LPIN2: variants seen among roughly 807,000 people sequenced by gnomAD.
The protein encoded by LPIN2 is phosphatidate phosphatase LPIN2.
Under a neutral mutation model 111.4 loss-of-function variants are expected in LPIN2, and 55 were observed. The ratio of observed to expected loss-of-function variants is 0.49; its 90% CI spans 0.40 to 0.62. LPIN2 has a LOEUF of 0.62. LPIN2 is among the 20% of genes least tolerant of loss of function. The probability of loss-of-function intolerance (pLI) is 0.00; values close to 1 mark genes in which losing one functional copy is unlikely to be tolerated. For missense variants in LPIN2, 992 were observed against 1,112.1 expected, an observed-to-expected ratio of 0.89 and a Z score of 1.54; for synonymous variants, 425 against 414.0, an observed-to-expected ratio of 1.03 and a Z score of -0.32.
At position 2,951,073 on chromosome 18, in the gene LPIN2, T is replaced by C. The variant is rs778040063; in HGVS notation, c.572A>G (p.Lys191Arg). 8 of 1,614,146 alleles carry C rather than the reference T, an allele frequency of 5.0e-6. No homozygotes were observed. The highest frequency in any genetic ancestry group is 1.1e-5 in the South Asian group (1 of 91,080). ...CDVGVSSDDD[K>R]GAQAARGSSN... ...GTCCTACCGTGCTGCCTGGGCCCCC[T>C]TGTCATCATCGGAGCTCACGCCTAC... is the stretch of plus-strand genomic sequence containing the variant. The change falls in exon 4 of 20, where the codon AAG (lysine) becomes AGG (arginine). Residue 191 changes from lysine (K) to arginine (R), a missense_variant. Lys to Arg is a conservative substitution (Grantham distance 26, BLOSUM62 2). Around this residue, in one of 4 missense-constraint regions of LPIN2, gnomAD observed 709 missense variants for 753.2 expected, o/e 0.94. Transcript: ENST00000677752.
intron 4 of LPIN2, among the ~76,000 whole-genome samples, chr18:2,943,877 G>C (rs932512652): frequency 1.3e-4 from 20 of 152,060 alleles, no homozygotes; most frequent in African/African-American, 4.8e-4. Flanking sequence ...CTACAACTAA[G>C]TTATTTGCTA....
rs1288225001 is a variant in LPIN2 at position 2,925,315 on chromosome 18, G to C, written c.1847C>G (p.Ser616Cys). The change falls in exon 14 of 20, where the codon TCC (serine) becomes TGC (cysteine). Residue 616 changes from serine (S) to cysteine (C), a missense_variant. By Grantham distance (112) the Ser-to-Cys change is moderately radical (BLOSUM62 -1). This residue lies in a region of LPIN2 where 709 missense variants were observed against 753.2 expected (regional missense o/e 0.94). Transcript: ENST00000677752. The surrounding 1 kb of genome is among the most constrained non-coding windows in gnomAD (Gnocchi z 4.1). ...SDEGSQELEE[S>C]ITVDPIPTEP... ...TGTGGGGATGGGGTCCACTGTGATG[G>C]ATTCTTCGAGCTCCTGTGATCCCTC... 6.2e-7 allele frequency: 1 copy of C among 1,614,132 alleles called. No homozygotes were observed. The highest frequency in any genetic ancestry group is 8.5e-7 in the Non-Finnish European group (1 of 1,179,982).
chr18:2,976,122 C>G (rs765971962), intron 1 of LPIN2, among the ~76,000 whole-genome samples: 5 of 152,210 alleles, frequency 3.3e-5, no homozygotes, highest in African/African-American at 4.8e-5. Flanking sequence ...TATTTCCCAT[C>G]TCATCCTCTC....
At chr18:2,930,608 G>A (rs2077199921) in intron 9 of LPIN2, among the ~76,000 whole-genome samples, 1 of 152,150 alleles carries the variant, frequency 6.6e-6, no homozygotes, top group African/African-American at 2.4e-5. Context: ...GGGGCCACAG[G>A]CCAAACTGAG....
At chr18:3,006,910 G>A (rs2078525266) in intron 1 of LPIN2, among the ~76,000 whole-genome samples, 1 of 151,956 alleles carries the variant, frequency 6.6e-6, no homozygotes, top group Admixed American at 6.6e-5. Flanking sequence ...TGAGGTAGGA[G>A]GATTGCTTGG....
chr18:2,987,237 T>C (rs1288448758), intron 1 of LPIN2, among the ~76,000 whole-genome samples: 1 of 152,206 alleles, frequency 6.6e-6, no homozygotes, highest in African/African-American at 2.4e-5. Context: ...ACAAATTACT[T>C]GTTATAGACT....
intron 1 of LPIN2, chr18:2,967,049 A>C (rs1162861118): frequency 6.6e-6 from 1 of 152,162 alleles, no homozygotes; most frequent in East Asian, 1.9e-4. Context: ...TACGGTTTGC[A>C]TTTGATTAGC....
At chr18:2,964,282 CAAAAAAAAA>C (rs56276815) in intron 1 of LPIN2, among the ~76,000 whole-genome samples, 2 of 56,868 alleles carry the variant, frequency 3.5e-5, no homozygotes, top group Admixed American at 2.7e-4. Flanking sequence ...GACTCCGTCT[CAAAAAAAAA>C]AAAAAAAAAA....
At chr18:3,011,659 C>G (rs906495083) in intron 1 of LPIN2, 6 of 152,258 alleles carry the variant, frequency 3.9e-5, no homozygotes, top group African/African-American at 1.4e-4. Flanking sequence ...TACACTCCAG[C>G]CTGGGCGACA....
At position 2,931,429 on chromosome 18, in the gene LPIN2, C is replaced by T; in HGVS notation, c.1283G>A (p.Gly428Asp). The change falls in exon 9 of 20, where the codon GGT (glycine) becomes GAT (aspartate). Residue 428 changes from glycine to aspartate, a missense_variant. Physicochemically the swap from Gly to Asp is moderately conservative, Grantham distance 94 (BLOSUM62 -1). Around this residue, in one of 4 missense-constraint regions of LPIN2, gnomAD observed 709 missense variants for 753.2 expected, o/e 0.94. Transcript: ENST00000677752. ...GTCAGACTCGGGCCACTGCCTGGAA[C>T]CGGGCTCCGATTCACTGTGGACAGG... ...LYFPKSESEP[G>D]SRQWPESDTL... 6.3e-7 allele frequency: 1 copy of T among 1,591,846 alleles called. No homozygotes were observed. The highest frequency in any genetic ancestry group is 8.6e-7 in the Non-Finnish European group (1 of 1,168,826).
chr18:2,947,369 A>ACATC (rs2077469650), intron 4 of LPIN2, among the ~76,000 whole-genome samples: 2 of 152,192 alleles, frequency 1.3e-5, no homozygotes, highest in Non-Finnish European at 2.9e-5. Flanking sequence ...TCACACAAAG[A>ACATC]CATCCATCCA....
chr18:2,931,284 G>A lies in LPIN2; in HGVS notation c.1428C>T (p.Gly476=), dbSNP rs2077209708. The A allele has an allele frequency of 1.2e-6, 2 of 1,614,130 alleles. No homozygotes were observed. Among genetic ancestry groups the A allele is most frequent in the Non-Finnish European group, 8.5e-7 (1 of 1,180,034 alleles). Residue 476 remains glycine (G), a synonymous_variant, in exon 9 of 20, where the codon GGC becomes GGT. Coordinates refer to ENST00000677752, the MANE Select transcript of LPIN2 (RefSeq NM_001375808.2). Reference sequence around the variant, plus strand: ...TTGAAATTTCTCCATTTTCACTGAGGCCCCCGCAAAGGGAGAGGGTAACGT... The same window carrying A: ...TTGAAATTTCTCCATTTTCACTGAGACCCCCGCAAAGGGAGAGGGTAACGT... ...LPDVTLSLCG[G]LSENGEISKE...
chr18:2,991,576 G>C (rs868702113), intron 1 of LPIN2, among the ~76,000 whole-genome samples: 1 of 152,082 alleles, frequency 6.6e-6, no homozygotes, highest in Non-Finnish European at 1.5e-5. Flanking sequence ...GCCAGGTGTG[G>C]TGTTGTACAC....
intron 15 of LPIN2, 56 bp from the exon 16 acceptor site, chr18:2,923,917 T>C: frequency 1.4e-6 from 2 of 1,433,990 alleles, no homozygotes; most frequent in South Asian, 2.3e-5. Flanking sequence ...ATACAGCGTT[T>C]TCCTATTTGG....
intron 1 of LPIN2, among the ~76,000 whole-genome samples, chr18:2,988,227 TC>T (rs1278900587): frequency 6.6e-6 from 1 of 151,928 alleles, no homozygotes; most frequent in East Asian, 1.9e-4. Context: ...CCACTCTATT[TC>T]CCCATCAGAA....
chr18:2,979,244 G>A (rs2078069067), intron 1 of LPIN2: 1 of 152,224 alleles, frequency 6.6e-6, no homozygotes, highest in African/African-American at 2.4e-5. Context: ...TGTAACTAAG[G>A]TGTGTTTTCC....
rs572207084 is a variant in LPIN2 at position 2,933,357 on chromosome 18, A to C, written c.1268+994T>G. Among the ~76,000 whole-genome samples, 11 of 152,300 alleles carry C rather than the reference A, an allele frequency of 7.2e-5. No homozygotes were observed. The South Asian group carries it at 2.3e-3, about 32-fold the overall frequency. ...GGAATACCAATATAAATAAATGATTAAGGCCTGGGAAATGTGGGGGGAAAA... is the reference window on the plus strand; with the variant it reads ...GGAATACCAATATAAATAAATGATTCAGGCCTGGGAAATGTGGGGGGAAAA... On this transcript the variant is annotated intron_variant, in intron 8 of 19. Transcript: ENST00000677752.
rs756109661 is a variant in LPIN2 at position 2,925,223 on chromosome 18, C to T, written c.1938+1G>A. On this transcript the variant is annotated splice_donor_variant, in intron 14 of 19. Transcript: ENST00000677752. LOFTEE classifies it high-confidence loss of function. This position sits in a 1 kb window ranked among gnomAD's most constrained non-coding sequence, Gnocchi z 4.1. ...GACAACACAGATCATGCAAGACTCA[C>T]GATCTGGTCTGAGGAGAGGCGGAGA... 2.5e-6 allele frequency: 4 copies of T among 1,614,052 alleles called. No individual in the cohort carries two copies. The highest frequency in any genetic ancestry group is 1.3e-5 in the African/African-American group (1 of 74,922).
chr18:2,955,617 T>C (rs1036603884), intron 2 of LPIN2, among the ~76,000 whole-genome samples: 3 of 152,142 alleles, frequency 2.0e-5, no homozygotes, highest in African/African-American at 7.2e-5. Flanking sequence ...ATGCTTGTTA[T>C]AAAACTCCTA....
Sources: allele counts gnomAD v4.1 joint callset (sites outside exome capture counted in the v4.1 genomes callset), GRCh38; gene constraint gnomAD v4.1.1; regional missense constraint gnomAD v4.1.1; non-coding constraint Gnocchi (gnomAD v3.1); transcripts MANE v1.5; gene names NCBI Gene and HGNC (gene_info 2026-07-23, HGNC 2026-07-21).